PPFIA2: variants seen among roughly 807,000 people sequenced by gnomAD.
PPFIA2 encodes the protein PPFI scaffold protein A2.
A neutral mutation model predicts 175.5 loss-of-function variants in PPFIA2; 46 were observed. The observed-to-expected ratio is 0.26, with a 90% CI of 0.21 to 0.34. The LOEUF is 0.34. PPFIA2 is among the 10% of genes least tolerant of loss of function. The pLI is 1.00. For missense variants in PPFIA2, 1,179 were observed against 1,506.1 expected, an observed-to-expected ratio of 0.78 and a Z score of 3.60; for synonymous variants, 568 against 511.4, an observed-to-expected ratio of 1.11 and a Z score of -1.49.
At chr12:81,489,803 G>A (rs930729585) in intron 4 of PPFIA2, among the ~76,000 whole-genome samples, 2 of 151,810 alleles carry the variant, frequency 1.3e-5, no homozygotes, top group African/African-American at 4.8e-5. Flanking sequence ...AAACATTTAT[G>A]AGTGGAGGTT....
At chr12:81,486,372 T>C (rs564478724) in intron 4 of PPFIA2, among the ~76,000 whole-genome samples, 1 of 152,016 alleles carries the variant, frequency 6.6e-6, no homozygotes, top group African/African-American at 2.4e-5. Context: ...CATTTTATTA[T>C]TATAACATGA....
intron 21 of PPFIA2, among the ~76,000 whole-genome samples, chr12:81,329,837 C>T (rs2055719872): frequency 6.6e-6 from 1 of 152,222 alleles, no homozygotes; most frequent in Non-Finnish European, 1.5e-5. Context: ...TAACTGAGAA[C>T]ATTTCGATGC....
At chr12:81,673,424 C>A (rs554809472) in intron 4 of PPFIA2, among the ~76,000 whole-genome samples, 2 of 152,194 alleles carry the variant, frequency 1.3e-5, no homozygotes, top group East Asian at 3.9e-4. Flanking sequence ...AAGTTTTTTA[C>A]ATTTTAATAT....
chr12:81,489,340 G>T (rs940800315), intron 4 of PPFIA2, among the ~76,000 whole-genome samples: 3 of 151,612 alleles, frequency 2.0e-5, no homozygotes, highest in Non-Finnish European at 4.4e-5. Context: ...TTCACAAAAT[G>T]CTTTGGAAGG....
chr12:81,351,340 G>T (rs945405573), intron 17 of PPFIA2, among the ~76,000 whole-genome samples: 1 of 151,946 alleles, frequency 6.6e-6, no homozygotes, highest in Non-Finnish European at 1.5e-5. Flanking sequence ...TATATTTAAA[G>T]AATGCAAATG....
At chr12:81,510,765 T>C (rs990968009) in intron 4 of PPFIA2, among the ~76,000 whole-genome samples, 1 of 152,050 alleles carries the variant, frequency 6.6e-6, no homozygotes, top group Non-Finnish European at 1.5e-5. Context: ...TAGTTTTGTA[T>C]AGTCATCATA....
chr12:81,647,226 A>G (rs2066245575), intron 4 of PPFIA2, among the ~76,000 whole-genome samples: 1 of 152,202 alleles, frequency 6.6e-6, no homozygotes, highest in African/African-American at 2.4e-5. Context: ...AGTAGAGGAA[A>G]GATCAGTGAA....
intron 4 of PPFIA2, among the ~76,000 whole-genome samples, chr12:81,615,681 G>A (rs2153474364): frequency 6.6e-6 from 1 of 152,124 alleles, no homozygotes; most frequent in East Asian, 1.9e-4. Context: ...TTTATTGGAG[G>A]GTTAAGAAAA....
At chr12:81,641,054 C>A (rs375624508) in intron 4 of PPFIA2, among the ~76,000 whole-genome samples, 120 of 152,182 alleles carry the variant, frequency 7.9e-4, no homozygotes, top group African/African-American at 2.7e-3. Flanking sequence ...ATGCTCAAAT[C>A]AGGGCAATTA....
At chr12:81,570,756 T>TA (rs939643489) in intron 4 of PPFIA2, among the ~76,000 whole-genome samples, 25 of 149,862 alleles carry the variant, frequency 1.7e-4, no homozygotes, top group African/African-American at 5.8e-4. Flanking sequence ...AATTTATAGG[T>TA]AAAAATTTAT....
intron 22 of PPFIA2, among the ~76,000 whole-genome samples, chr12:81,311,114 T>C (rs2050657483): frequency 6.6e-6 from 1 of 152,196 alleles, no homozygotes; most frequent in Non-Finnish European, 1.5e-5. Flanking sequence ...ATGTAAATAT[T>C]ATGCATATTT....
At chr12:81,604,548 T>A (rs2060097414) in intron 4 of PPFIA2, among the ~76,000 whole-genome samples, 1 of 151,678 alleles carries the variant, frequency 6.6e-6, no homozygotes, top group Admixed American at 6.6e-5. Flanking sequence ...GAAACTTCAT[T>A]CTTAGTTTGA....
intron 4 of PPFIA2, among the ~76,000 whole-genome samples, chr12:81,651,816 C>T (rs1003200522): frequency 1.3e-5 from 2 of 152,138 alleles, no homozygotes; most frequent in African/African-American, 4.8e-5. Flanking sequence ...TCCTATCTCA[C>T]ATAACCACAA....
intron 4 of PPFIA2, among the ~76,000 whole-genome samples, chr12:81,502,418 G>A (rs1435543480): frequency 2.0e-5 from 3 of 152,148 alleles, no homozygotes; most frequent in South Asian, 2.1e-4. Context: ...ATATTAGTAT[G>A]TGGTATTTCA....
intron 3 of PPFIA2, among the ~76,000 whole-genome samples, chr12:81,725,673 A>T (rs980391877): frequency 6.6e-6 from 1 of 151,014 alleles, no homozygotes; most frequent in African/African-American, 2.4e-5. Context: ...TAAATTGATA[A>T]ATAAGAAAAC....
At chr12:81,574,553 T>C (rs973039048) in intron 4 of PPFIA2, among the ~76,000 whole-genome samples, 2 of 151,812 alleles carry the variant, frequency 1.3e-5, no homozygotes, top group African/African-American at 2.4e-5. Flanking sequence ...TTAAGACCAA[T>C]TGAATGCAAT....
intron 3 of PPFIA2, among the ~76,000 whole-genome samples, chr12:81,726,803 G>A (rs572639655): frequency 6.6e-6 from 1 of 151,336 alleles, no homozygotes; most frequent in South Asian, 2.1e-4. Context: ...CCACACCATT[G>A]CCTTTAAGCT....
intron 3 of PPFIA2, among the ~76,000 whole-genome samples, chr12:81,722,598 C>T (rs1436594115): frequency 2.0e-5 from 3 of 150,994 alleles, no homozygotes; most frequent in African/African-American, 7.3e-5. Context: ...TATCTCAATT[C>T]CATATTAAGC....
chr12:81,642,729 A>ACG (rs1567688206), intron 4 of PPFIA2, among the ~76,000 whole-genome samples: 4 of 14,722 alleles, frequency 2.7e-4, no homozygotes, highest in African/African-American at 8.1e-4. Context: ...ATATACATAC[A>ACG]TGTATATGTA....
Sources: allele counts gnomAD v4.1 joint callset (sites outside exome capture counted in the v4.1 genomes callset), GRCh38; gene constraint gnomAD v4.1.1; transcripts MANE v1.5; gene names NCBI Gene and HGNC (gene_info 2026-07-23, HGNC 2026-07-21).